MYOM2: variants seen among roughly 807,000 people sequenced by gnomAD.
The protein encoded by MYOM2 is myomesin-2.
A neutral mutation model predicts 187.6 loss-of-function variants in MYOM2; 254 were observed. The ratio of observed to expected loss-of-function variants is 1.35; its 90% CI spans 1.22 to 1.50. MYOM2 has a LOEUF of 1.50. Among genes scored for constraint, MYOM2 ranks in the 40% most tolerant of loss-of-function variants. The pLI, the probability that MYOM2 is intolerant of heterozygous loss-of-function variation, is 0.00. For missense variants in MYOM2, 2,796 were observed against 1,924.0 expected, an observed-to-expected ratio of 1.45 and a Z score of -8.48; for synonymous variants, 981 against 753.8, an observed-to-expected ratio of 1.30 and a Z score of -4.94.
intron 32 of MYOM2, among the ~76,000 whole-genome samples, chr8:2,134,240 G>T (rs952220432): frequency 6.6e-6 from 1 of 152,054 alleles, no homozygotes; most frequent in African/African-American, 2.4e-5. Flanking sequence ...GTCTAGGACA[G>T]TTCTTCAGGC....
intron 17 of MYOM2, among the ~76,000 whole-genome samples, chr8:2,094,630 G>C (rs914390817): frequency 6.6e-6 from 1 of 152,092 alleles, no homozygotes; most frequent in African/African-American, 2.4e-5. Flanking sequence ...CAGCCTGGGG[G>C]GACAGAGCAA....
intron 32 of MYOM2, among the ~76,000 whole-genome samples, chr8:2,130,425 G>T: frequency 7.4e-6 from 1 of 136,046 alleles, no homozygotes; most frequent in East Asian, 2.2e-4. Context: ...CCATCAGTAC[G>T]CTATACCCAG....
intron 32 of MYOM2, among the ~76,000 whole-genome samples, chr8:2,138,349 G>A (rs913742769): frequency 3.3e-5 from 5 of 152,188 alleles, no homozygotes; most frequent in African/African-American, 1.2e-4. Context: ...TGCTGACTGT[G>A]GACTGAGAGC....
rs552605565 is a variant in MYOM2 at position 2,112,699 on chromosome 8, G to A, written c.3180+3168G>A. Among the ~76,000 whole-genome samples, 28 of 152,292 alleles carry A rather than the reference G, an allele frequency of 1.8e-4. 1 individual carries two copies. Among genetic ancestry groups the A allele is most frequent in the African/African-American group, 4.1e-4 (17 of 41,572 alleles). ...AATATTCGTCTTCTAAAGCCTCTCCGGTGGCACTGGCATTTGCAATATCAA... is the reference window on the plus strand; with the variant it reads ...AATATTCGTCTTCTAAAGCCTCTCCAGTGGCACTGGCATTTGCAATATCAA... On this transcript the variant is annotated intron_variant, in intron 25 of 36. Transcript: ENST00000262113.
intron 32 of MYOM2, among the ~76,000 whole-genome samples, chr8:2,139,051 C>G (rs961159166): frequency 5.1e-5 from 2 of 38,862 alleles, no homozygotes; most frequent in African/African-American, 2.2e-4. Flanking sequence ...ACCAGAGACC[C>G]GACACACACT....
intron 32 of MYOM2, among the ~76,000 whole-genome samples, chr8:2,135,754 A>G (rs1168278559): frequency 2.6e-5 from 4 of 152,230 alleles, no homozygotes; most frequent in African/African-American, 7.2e-5. Context: ...AACAACAATA[A>G]TAATAATTTT....
intron 2 of MYOM2, 34 bp downstream of exon 2, chr8:2,050,907 C>T (rs773495818): frequency 2.7e-6 from 4 of 1,503,660 alleles, no homozygotes; most frequent in Admixed American, 1.7e-5. Context: ...ACGCGCAGAG[C>T]TTTGATTATG....
intron 23 of MYOM2, among the ~76,000 whole-genome samples, chr8:2,107,798 C>A (rs1796944329): frequency 4.6e-5 from 7 of 152,196 alleles, no homozygotes; most frequent in Admixed American, 4.6e-4. Flanking sequence ...CAGTTTTGTA[C>A]CTTCACGACA....
At chr8:2,140,409 A>C (rs184818046) in intron 32 of MYOM2, among the ~76,000 whole-genome samples, 81 of 142,126 alleles carry the variant, frequency 5.7e-4, no homozygotes, top group Admixed American at 4.8e-3. Context: ...TTGCTGGATC[A>C]TGTAGTAGTT....
At position 2,065,809 on chromosome 8, in the gene MYOM2, G is replaced by A. The variant is rs78211162; in HGVS notation, c.654-3469G>A. ...AGGCCCCGGTACCCATGAGTTAAGT[G>A]GCTGCGTAAGGTTCATGTTGGGCTT... On this transcript the variant is annotated intron_variant, in intron 6 of 36. Coordinates refer to ENST00000262113, the MANE Select transcript of MYOM2 (RefSeq NM_003970.4). 1.1e-4 allele frequency among the ~76,000 whole-genome samples: 16 copies of A among 152,322 alleles called. No homozygotes were observed. In the East Asian group the frequency reaches 2.9e-3, roughly 28 times the overall value.
intron 25 of MYOM2, among the ~76,000 whole-genome samples, chr8:2,115,043 T>A (rs1375762970): frequency 6.9e-6 from 1 of 144,282 alleles, no homozygotes; most frequent in Non-Finnish European, 1.5e-5. Flanking sequence ...AAGGTTTCAT[T>A]AGAATTAGAG....
At chr8:2,105,975 G>C (rs571102802) in intron 21 of MYOM2, among the ~76,000 whole-genome samples, 54 of 152,314 alleles carry the variant, frequency 3.5e-4, no homozygotes, top group African/African-American at 1.3e-3. Context: ...TCTTCACAGG[G>C]CGGCAGGACA....
chr8:2,138,972 AC>A (rs1798178196), intron 32 of MYOM2, among the ~76,000 whole-genome samples: 3 of 145,866 alleles, frequency 2.1e-5, no homozygotes, highest in Non-Finnish European at 3.0e-5. Flanking sequence ...TGCCAGCACC[AC>A]CACCAGAGAC....
chr8:2,095,048 ATG>A (rs1796432839), intron 17 of MYOM2, among the ~76,000 whole-genome samples: 1 of 152,218 alleles, frequency 6.6e-6, no homozygotes, highest in South Asian at 2.1e-4. Flanking sequence ...AGAGGGAACT[ATG>A]TGGCTCGTTG....
At chr8:2,079,692 A>G (rs1306888695) in intron 13 of MYOM2, 79 bp downstream of exon 13, 1 of 1,463,786 alleles carries the variant, frequency 6.8e-7, no homozygotes, top group Non-Finnish European at 9.6e-7. Flanking sequence ...AGATGGACAG[A>G]GAACGCCCCC....
At chr8:2,105,306 C>T (rs1322693087) in intron 21 of MYOM2, among the ~76,000 whole-genome samples, 1 of 152,180 alleles carries the variant, frequency 6.6e-6, no homozygotes, top group Non-Finnish European at 1.5e-5. Context: ...TCTTCATAAC[C>T]CGAGAGCACT....
intron 36 of MYOM2, among the ~76,000 whole-genome samples, chr8:2,144,150 T>C (rs2116930376): frequency 6.6e-6 from 1 of 152,360 alleles, no homozygotes; most frequent in African/African-American, 2.4e-5. Flanking sequence ...CTTAAGGATG[T>C]AATTGAGAAA....
Position 2,059,097 on chromosome 8 carries a change from C to T in MYOM2, c.561-56C>T, listed in dbSNP as rs1818767360. On this transcript the variant is annotated intron_variant, in intron 5 of 36. Coordinates refer to ENST00000262113, the MANE Select transcript of MYOM2 (RefSeq NM_003970.4). ...GCGCGGGGGAGCTGGGGCAGAATTG[C>T]ACACACACAAAATACAACTCTGCCT... 3 of 1,478,620 alleles carry T rather than the reference C, an allele frequency of 2.0e-6. No individual in the cohort carries two copies. The African/African-American group carries it at 4.1e-5, about 20-fold the overall frequency. 91.6% of individuals were successfully genotyped at this position (1,478,620 alleles called of 1,614,324 possible). A position where few individuals can be genotyped will look rare whatever the true frequency, so the allele number is the denominator to read the frequency against.
intron 3 of MYOM2, among the ~76,000 whole-genome samples, chr8:2,053,678 T>A (rs1404484459): frequency 2.0e-5 from 3 of 152,202 alleles, no homozygotes; most frequent in South Asian, 2.1e-4. Flanking sequence ...AAGAAGGGAT[T>A]TGAGTGACTG....
Sources: gnomAD v4.1 joint callset for allele counts (sites outside exome capture counted in the v4.1 genomes callset) on GRCh38, gnomAD v4.1.1 for gene constraint, MANE v1.5 for transcripts, NCBI Gene and HGNC (gene_info 2026-07-23, HGNC 2026-07-21) for gene names.